Variants in RAPGEF2 observed in about 807,000 individuals in gnomAD.
The protein encoded by RAPGEF2 is PDZ domain containing guanine nucleotide exchange factor (GEF) 1.
In RAPGEF2, 54 loss-of-function variants were observed where a neutral mutation model predicts 186.7. The observed-to-expected ratio is 0.29, with a 90% CI of 0.23 to 0.36. The LOEUF is 0.36. Among genes scored for constraint, RAPGEF2 ranks in the 10% least tolerant of loss-of-function variants. The pLI, the probability that RAPGEF2 is intolerant of heterozygous loss-of-function variation, is 1.00. For synonymous variants in RAPGEF2, 712 were observed against 705.9 expected (o/e 1.01, Z -0.14); for missense variants, 1,532 against 2,045.0 (o/e 0.75, Z 4.84).
intron 7 of RAPGEF2, among the ~76,000 whole-genome samples, chr4:159,298,745 A>T (rs1762311198): frequency 6.6e-6 from 1 of 152,100 alleles, no homozygotes; most frequent in Non-Finnish European, 1.5e-5. Context: ...CCTTTCTGGG[A>T]ATAGCTCAAT....
At chr4:159,204,632 C>T (rs895503015) in intron 3 of RAPGEF2, among the ~76,000 whole-genome samples, 16 of 152,226 alleles carry the variant, frequency 1.1e-4, no homozygotes, top group African/African-American at 3.6e-4. Flanking sequence ...AATTTCCTTC[C>T]TGTTGATGAA....
At chr4:159,327,647 A>AT (rs1676262229) in intron 11 of RAPGEF2, 1 of 127,800 alleles carries the variant, frequency 7.8e-6, no homozygotes, top group Non-Finnish European at 1.8e-5. Context: ...ATAGAGTGAG[A>AT]TTCTCTCAAA....
chr4:159,259,641 C>G (rs4691551), intron 7 of RAPGEF2, among the ~76,000 whole-genome samples: 30,945 of 152,038 alleles, frequency 0.2, 3,284 homozygotes, highest in Admixed American at 0.24. Context: ...GCAGAAAGAT[C>G]TTTTGTAGGT....
Position 159,353,560 on chromosome 4 carries a change from G to A in RAPGEF2, c.4165G>A (p.Glu1389Lys). ...AGTAATTTCTTCTCCAAGCACAGAG[G>A]AACTTTCCCAGGATCAGGGGGATCG... Reference protein sequence around the residue: ...ATVISSPSTEELSQDQGDRAS... With the variant: ...ATVISSPSTEKLSQDQGDRAS... Residue 1389 changes from glutamate to lysine, a missense_variant, in exon 28 of 30, where the codon GAA becomes AAA. Coordinates refer to ENST00000691494, the MANE Select transcript of RAPGEF2 (RefSeq NM_001394067.2). This position sits in a 1 kb window ranked among gnomAD's most constrained non-coding sequence, Gnocchi z 4.3. 1 of 1,566,562 alleles carries A rather than the reference G, an allele frequency of 6.4e-7. No individual in the cohort carries two copies. Among genetic ancestry groups the A allele is most frequent in the Non-Finnish European group, 8.6e-7 (1 of 1,160,776 alleles).
intron 7 of RAPGEF2, among the ~76,000 whole-genome samples, chr4:159,252,877 A>G (rs1384843166): frequency 6.6e-6 from 1 of 152,264 alleles, no homozygotes; most frequent in African/African-American, 2.4e-5. Context: ...TGAAACAAAA[A>G]GTTTTAAATA....
intron 25 of RAPGEF2, among the ~76,000 whole-genome samples, chr4:159,347,726 G>A (rs922196447): frequency 1.3e-5 from 2 of 152,250 alleles, no homozygotes; most frequent in African/African-American, 4.8e-5. Context: ...GGAGCTTGCA[G>A]TGAGCCTAGA....
chr4:159,139,236 G>T (rs1742049634), intron 1 of RAPGEF2, among the ~76,000 whole-genome samples: 1 of 152,192 alleles, frequency 6.6e-6, no homozygotes, highest in East Asian at 1.9e-4. Context: ...CATAGGTGAA[G>T]AATTCATACA....
At chr4:159,348,522 T>C (rs1730725263) in intron 25 of RAPGEF2, among the ~76,000 whole-genome samples, 1 of 152,204 alleles carries the variant, frequency 6.6e-6, no homozygotes, top group South Asian at 2.1e-4. Context: ...CATTTCTCCT[T>C]TCAAATATTT....
chr4:159,123,834 A>G (rs1286142096), intron 1 of RAPGEF2, among the ~76,000 whole-genome samples: 3 of 145,504 alleles, frequency 2.1e-5, no homozygotes, highest in African/African-American at 5.1e-5. Flanking sequence ...TTATCGTTTT[A>G]CTTTTGTTGT....
At chr4:159,104,553 A>AGACAGAGAGAGAGAGAGAGTGT (rs1553991869) in intron 1 of RAPGEF2, among the ~76,000 whole-genome samples, 1 of 136,028 alleles carries the variant, frequency 7.4e-6, no homozygotes. Flanking sequence ...AGAGAGAGAG[A>AGACAGAGAGAGAGAGAGAGTGT]GTGTGTGTGT....
intron 1 of RAPGEF2, among the ~76,000 whole-genome samples, chr4:159,186,379 C>T (rs960024040): frequency 5.9e-5 from 9 of 151,950 alleles, no homozygotes; most frequent in South Asian, 2.1e-4. Context: ...TGATAAAGAA[C>T]GATTTATGAG....
At position 159,205,009 on chromosome 4, in the gene RAPGEF2, T is replaced by A. The variant is rs188546907; in HGVS notation, c.198-5491T>A. Among the ~76,000 whole-genome samples, 564 of 151,912 alleles carry A rather than the reference T, an allele frequency of 3.7e-3. 3 individuals carry two copies. The highest frequency in any genetic ancestry group is 8.7e-3 in the Admixed American group (132 of 15,254). ...GAAGGGGCTCCTTTGCTCATAATTT[T>A]AAAAAAAAATTATTTGAGGAAAAAT... On this transcript the variant is annotated intron_variant, in intron 3 of 29. Transcript: ENST00000691494.
intron 7 of RAPGEF2, among the ~76,000 whole-genome samples, chr4:159,245,430 T>C (rs1754519023): frequency 1.3e-5 from 2 of 152,068 alleles, no homozygotes; most frequent in African/African-American, 4.8e-5. Flanking sequence ...GAGTAGATTA[T>C]AGAGACAGGT....
At chr4:159,319,820 A>T (rs1053493823) in intron 9 of RAPGEF2, among the ~76,000 whole-genome samples, 1 of 151,864 alleles carries the variant, frequency 6.6e-6, no homozygotes, top group Non-Finnish European at 1.5e-5. Context: ...TAAACTCATG[A>T]CCCACTAATA....
At position 159,330,008 on chromosome 4, in the gene RAPGEF2, A is replaced by C; in HGVS notation, c.1300A>C (p.Lys434Gln). The C allele has an allele frequency of 6.2e-7, 1 of 1,611,372 alleles. No individual in the cohort carries two copies. The highest frequency in any genetic ancestry group is 8.5e-7 in the Non-Finnish European group (1 of 1,178,728). The change falls in exon 12 of 30, where the codon AAG (lysine) becomes CAG (glutamine). Residue 434 changes from lysine (K) to glutamine (Q), a missense_variant and splice_region_variant. This residue lies in a region of RAPGEF2 where 810 missense variants were observed against 1,210.5 expected (regional missense o/e 0.67). Transcript: ENST00000691494. ...TGTRKGHIVI[K>Q]GTSERLTMHL... is the part of the protein sequence containing the mutation. Reference sequence around the variant, plus strand: ...AACAAGAAAGGGACACATTGTCATCAAGGTAGGACACAGGACCACTCCTTC... The same window carrying C: ...AACAAGAAAGGGACACATTGTCATCCAGGTAGGACACAGGACCACTCCTTC...
rs545858695 is a variant in RAPGEF2 at position 159,237,074 on chromosome 4, G to A, written c.282-1735G>A. 9.8e-5 allele frequency among the ~76,000 whole-genome samples: 15 copies of A among 152,296 alleles called. 1 individual carries two copies. Among genetic ancestry groups the A allele is most frequent in the Admixed American group, 6.5e-4 (10 of 15,296 alleles). ...TTTACTCTGTTGCCCAGGCTAGAGT[G>A]CAGTGGCACATTCTTGGCTCACTGC... On this transcript the variant is annotated intron_variant, in intron 4 of 29. Coordinates refer to ENST00000691494, the MANE Select transcript of RAPGEF2 (RefSeq NM_001394067.2).
At chr4:159,178,551 CTTTTTTTTTTTT>C (rs71589215) in intron 1 of RAPGEF2, among the ~76,000 whole-genome samples, 1 of 75,470 alleles carries the variant, frequency 1.3e-5, no homozygotes, top group South Asian at 5.1e-4. Flanking sequence ...ATGTATTATG[CTTTTTTTTTTTT>C]TTTTTTTTTT....
At chr4:159,343,427 C>T (rs1237547872) in intron 22 of RAPGEF2, 23 bp downstream of exon 22, 1 of 1,611,890 alleles carries the variant, frequency 6.2e-7, no homozygotes, top group African/African-American at 1.3e-5. Context: ...TCTTCAGTGG[C>T]ACGTGTGAGA....
rs1482444019 is a variant in RAPGEF2 at position 159,322,477 on chromosome 4, T to C, written c.984T>C (p.Gly328=). 1.2e-6 allele frequency: 2 copies of C among 1,613,314 alleles called. No individual in the cohort carries two copies. Among genetic ancestry groups the C allele is most frequent in the South Asian group, 1.1e-5 (1 of 91,020 alleles). Reference sequence around the variant, plus strand: ...CAGGGACCATAGTGTTAAATGATGGTGAAGAGGTGAGTAACTATTCCTACC... The same window carrying C: ...CAGGGACCATAGTGTTAAATGATGGCGAAGAGGTGAGTAACTATTCCTACC... ...ERAGTIVLND[G]EELDSWSVIL... is the part of the protein sequence containing the mutation. The change falls in exon 10 of 30, where the codon GGT becomes GGC. Residue 328 remains glycine, a synonymous_variant. Transcript: ENST00000691494.
Sources: allele counts gnomAD v4.1 joint callset (sites outside exome capture counted in the v4.1 genomes callset), GRCh38; gene constraint gnomAD v4.1.1; regional missense constraint gnomAD v4.1.1; non-coding constraint Gnocchi (gnomAD v3.1); transcripts MANE v1.5; gene names NCBI Gene and HGNC (gene_info 2026-07-23, HGNC 2026-07-21).